HS3ST6: variants seen among roughly 807,000 people sequenced by gnomAD.
HS3ST6 encodes the protein heparan sulfate glucosamine 3-O-sulfotransferase 6.
A neutral mutation model predicts 11.0 loss-of-function variants in HS3ST6; 13 were observed. The observed-to-expected ratio is 1.18, with a 90% confidence interval of 0.77 to 1.88. The LOEUF (loss-of-function observed/expected upper bound fraction) is 1.88, where lower values mean the gene tolerates loss of function less well. HS3ST6 is among the 40% of genes most tolerant of loss of function. The probability of loss-of-function intolerance (pLI) is 0.00; values close to 1 mark genes in which losing one functional copy is unlikely to be tolerated. For missense variants in HS3ST6, 541 were observed against 494.4 expected, an observed-to-expected ratio of 1.09 and a Z score of -0.89; for synonymous variants, 232 against 230.6, an observed-to-expected ratio of 1.01 and a Z score of -0.06.
Position 1,912,669 on chromosome 16 carries a change from C to T in HS3ST6, c.414-464G>A, listed in dbSNP as rs185965773. 7.9e-5 allele frequency among the ~76,000 whole-genome samples: 12 copies of T among 152,232 alleles called. No homozygotes were observed. The highest frequency in any genetic ancestry group is 7.8e-4 in the Admixed American group (12 of 15,298). ...GCCCGCCTAGATCACTTGAGGTCAC[C>T]CGTTCACTCAGTGGCTGACAGCATC... On this transcript the variant is annotated intron_variant, in intron 1 of 1. Coordinates refer to ENST00000454677, the MANE Select transcript of HS3ST6 (RefSeq NM_001009606.4). This position sits in a 1 kb window ranked among gnomAD's most constrained non-coding sequence, Gnocchi z 5.6.
chr16:1,918,660 G>A (rs1488909595), upstream of HS3ST6, among the ~76,000 whole-genome samples: 1 of 152,072 alleles, frequency 6.6e-6, no homozygotes, highest in Non-Finnish European at 1.5e-5. This position sits in a 1 kb window ranked among gnomAD's most constrained non-coding sequence, Gnocchi z 6.0. Flanking sequence ...CTCTGCGCGG[G>A]GAGGATGCGG....
Position 1,911,528 on chromosome 16 carries a change from C to A in HS3ST6, c.*62G>T. The A allele has an allele frequency of 6.8e-7, 1 of 1,464,320 alleles. No individual in the cohort carries two copies. Among genetic ancestry groups the A allele is most frequent in the South Asian group, 1.4e-5 (1 of 73,192 alleles). The allele number at this position is 1,464,320 out of a possible 1,614,324, so 90.7% of individuals were successfully genotyped here. A position where few individuals can be genotyped will look rare whatever the true frequency, so the allele number is the denominator to read the frequency against. The stretch of plus-strand genomic sequence containing the variant: ...TTCCTCTCTGCCCAGCATGTGCACG[C>A]AGCCCGCTCTGGCCAGGCGAGCGGG... On this transcript the variant is annotated 3_prime_UTR_variant, in exon 2 of 2. Coordinates refer to ENST00000454677, the MANE Select transcript of HS3ST6 (RefSeq NM_001009606.4).
Position 1,911,886 on chromosome 16 carries a change from G to T in HS3ST6, c.733C>A (p.Leu245Met). Residue 245 changes from leucine to methionine, a missense_variant, in exon 2 of 2, where the codon CTG (leucine) becomes ATG (methionine). By Grantham distance (15) the Leu-to-Met change is conservative. Transcript: ENST00000454677. ...ACCAGACGCTCCCCGCTGACGAACA[G>T]GAAGTGGGACAGGGGGAAGTAGCGC... Reference protein sequence around the residue: ...WLRYFPLSHFLFVSGERLVSD... With the variant: ...WLRYFPLSHFMFVSGERLVSD... The T allele has an allele frequency of 6.2e-7, 1 of 1,606,948 alleles. No individual in the cohort carries two copies. The highest frequency in any genetic ancestry group is 8.5e-7 in the Non-Finnish European group (1 of 1,175,750).
chr16:1,918,280 TG>T lies in HS3ST6; in HGVS notation c.43del (p.Gln15ArgfsTer84). 1.1e-6 allele frequency: 1 copy of T among 904,612 alleles called. No homozygotes were observed. Among genetic ancestry groups the T allele is most frequent in the Non-Finnish European group, 1.3e-6 (1 of 754,930 alleles). The allele number at this position is 904,612 out of a possible 1,614,324, so 56.0% of individuals were successfully genotyped here. On this transcript the variant is annotated frameshift_variant, in exon 1 of 2. Coordinates refer to ENST00000454677, the MANE Select transcript of HS3ST6 (RefSeq NM_001009606.4). LOFTEE classifies it high-confidence loss of function. This position sits in a 1 kb window ranked among gnomAD's most constrained non-coding sequence, Gnocchi z 6.0. ...GGLGGGAGGG[Q>X]GAGAGQGAAL... ...GGCCCCTTGCCCGGCCCCTGCGCCC[TG>T]GCCGCCCCCGGCCCCGCCGCCCAGG...
At chr16:1,917,365 A>C (rs2082932900) in intron 1 of HS3ST6, among the ~76,000 whole-genome samples, 1 of 152,030 alleles carries the variant, frequency 6.6e-6, no homozygotes, top group Non-Finnish European at 1.5e-5. Flanking sequence ...CTGGGCACTC[A>C]CCTAAAGGCA....
Position 1,911,544 on chromosome 16 carries a change from G to A in HS3ST6, c.*46C>T. Reference sequence around the variant, plus strand: ...ATGTGCACGCAGCCCGCTCTGGCCAGGCGAGCGGGTGTCAATCAAGGTGCT... The same window carrying A: ...ATGTGCACGCAGCCCGCTCTGGCCAAGCGAGCGGGTGTCAATCAAGGTGCT... On this transcript the variant is annotated 3_prime_UTR_variant, in exon 2 of 2. Coordinates refer to ENST00000454677, the MANE Select transcript of HS3ST6 (RefSeq NM_001009606.4). 3.3e-6 allele frequency: 5 copies of A among 1,516,240 alleles called. No homozygotes were observed. The highest frequency in any genetic ancestry group is 4.4e-6 in the Non-Finnish European group (5 of 1,130,898). 93.9% of individuals were successfully genotyped at this position (1,516,240 alleles called of 1,614,324 possible). A position where few individuals can be genotyped will look rare whatever the true frequency, so the allele number is the denominator to read the frequency against.
chr16:1,914,552 A>G (rs913628151), intron 1 of HS3ST6, among the ~76,000 whole-genome samples: 1 of 152,158 alleles, frequency 6.6e-6, no homozygotes, highest in African/African-American at 2.4e-5. Flanking sequence ...AAGCGAGACC[A>G]GGAGCCCACC....
intron 1 of HS3ST6, among the ~76,000 whole-genome samples, chr16:1,913,561 G>A (rs2082906610): frequency 6.6e-6 from 1 of 152,200 alleles, no homozygotes; most frequent in African/African-American, 2.4e-5. Context: ...GCTGGGGAGG[G>A]CTGGGAACTA....
chr16:1,913,777 A>AC (rs2082908165), intron 1 of HS3ST6, among the ~76,000 whole-genome samples: 1 of 151,412 alleles, frequency 6.6e-6, no homozygotes, highest in South Asian at 2.1e-4. Flanking sequence ...TCCTGCTCAG[A>AC]CCCCCAGGGA....
chr16:1,916,604 GGCTCCTCACGGC>G (rs2082928266), intron 1 of HS3ST6, among the ~76,000 whole-genome samples: 1 of 151,740 alleles, frequency 6.6e-6, no homozygotes, highest in Non-Finnish European at 1.5e-5. Context: ...CTTCCCCTGT[GGCTCCTCACGGC>G]CCAGCTCAGA....
chr16:1,912,056 A>G lies in HS3ST6; in HGVS notation c.563T>C (p.Ile188Thr). 6.6e-7 allele frequency: 1 copy of G among 1,514,562 alleles called. No homozygotes were observed. 93.8% of individuals were successfully genotyped at this position (1,514,562 alleles called of 1,614,324 possible). Residue 188 changes from isoleucine to threonine, a missense_variant, in exon 2 of 2, where the codon ATC becomes ACC. Ile to Thr is a moderately conservative substitution (Grantham distance 89). Coordinates refer to ENST00000454677, the MANE Select transcript of HS3ST6 (RefSeq NM_001009606.4). This position sits in a 1 kb window ranked among gnomAD's most constrained non-coding sequence, Gnocchi z 5.6. ...VVVRNPVTRAISDYAQTLSKT... is the reference protein window; with the variant it reads ...VVVRNPVTRATSDYAQTLSKT... Reference sequence around the variant, plus strand: ...GGAGAGCGTCTGGGCGTAGTCGGAGATGGCCCGGGTCACGGGGTTCCGCAC... The same window carrying G: ...GGAGAGCGTCTGGGCGTAGTCGGAGGTGGCCCGGGTCACGGGGTTCCGCAC...
chr16:1,918,306 G>A lies in HS3ST6; in HGVS notation c.18C>T (p.Gly6=). The A allele has an allele frequency of 2.8e-6, 2 of 711,010 alleles. No homozygotes were observed. Among genetic ancestry groups the A allele is most frequent in the Non-Finnish European group, 1.7e-6 (1 of 581,716 alleles). The allele number at this position is 711,010 out of a possible 1,614,324, so 44.0% of individuals were successfully genotyped here. A position where few individuals can be genotyped will look rare whatever the true frequency, so the allele number is the denominator to read the frequency against. The change falls in exon 1 of 2, where the codon GGC becomes GGT. Residue 6 remains glycine, a synonymous_variant. Transcript: ENST00000454677. This position sits in a 1 kb window ranked among gnomAD's most constrained non-coding sequence, Gnocchi z 6.0. The part of the protein sequence containing the change: MAGSG[G]LGGGAGGGQG... ...GGCCGCCCCCGGCCCCGCCGCCCAG[G>A]CCGCCGCTACCTGCCATGGGGTCGC... is the stretch of plus-strand genomic sequence containing the variant.
At chr16:1,919,480 C>T (rs2082949479), upstream of HS3ST6, among the ~76,000 whole-genome samples, 1 of 152,224 alleles carries the variant, frequency 6.6e-6, no homozygotes, top group African/African-American at 2.4e-5. Flanking sequence ...GGTATGAGAC[C>T]CGGGTCCTCT....
chr16:1,915,045 C>G (rs1032610893), intron 1 of HS3ST6, among the ~76,000 whole-genome samples: 1 of 152,176 alleles, frequency 6.6e-6, no homozygotes, highest in African/African-American at 2.4e-5. Context: ...ATCTCAGCCT[C>G]CCTCCTCCTG....
chr16:1,916,277 A>G (rs2150845773), intron 1 of HS3ST6, among the ~76,000 whole-genome samples: 1 of 120,192 alleles, frequency 8.3e-6, no homozygotes, highest in African/African-American at 3.1e-5. Flanking sequence ...ACAATACCAG[A>G]TTAATGAGGC....
At chr16:1,920,102 G>A (rs199926925), upstream of HS3ST6, among the ~76,000 whole-genome samples, 1 of 65,104 alleles carries the variant, frequency 1.5e-5, no homozygotes, top group Non-Finnish European at 3.3e-5. Context: ...AGGGTCTCAG[G>A]AGTCCCCACG....
intron 1 of HS3ST6, among the ~76,000 whole-genome samples, chr16:1,913,304 T>C (rs2082904357): frequency 6.6e-6 from 1 of 152,146 alleles, no homozygotes; most frequent in South Asian, 2.1e-4. Flanking sequence ...GGGGCCTTTC[T>C]GAGATTCTCC....
intron 1 of HS3ST6, among the ~76,000 whole-genome samples, chr16:1,913,780 C>T (rs1278834622): frequency 6.6e-6 from 1 of 152,156 alleles, no homozygotes; most frequent in Admixed American, 6.5e-5. Flanking sequence ...TGCTCAGACC[C>T]CCAGGGAAAC....
rs1255081779 is a variant in HS3ST6, at chr16:1,912,315, G to A, written c.414-110C>T. ...TGCCCGGGAAGCCCAGGCCTCCAGG[G>A]CGAGCAAGTCTTCCTCCCTGCTCGG... On this transcript the variant is annotated intron_variant, in intron 1 of 1. Coordinates refer to ENST00000454677, the MANE Select transcript of HS3ST6 (RefSeq NM_001009606.4). This position sits in a 1 kb window ranked among gnomAD's most constrained non-coding sequence, Gnocchi z 5.6. 2 of 1,032,294 alleles carry A rather than the reference G, an allele frequency of 1.9e-6. No individual in the cohort carries two copies. The highest frequency in any genetic ancestry group is 3.3e-5 in the African/African-American group (2 of 60,126). 63.9% of individuals were successfully genotyped at this position (1,032,294 alleles called of 1,614,324 possible).
Sources: allele counts gnomAD v4.1 joint callset (sites outside exome capture counted in the v4.1 genomes callset), GRCh38; gene constraint gnomAD v4.1.1; non-coding constraint Gnocchi (gnomAD v3.1); transcripts MANE v1.5; gene names NCBI Gene and HGNC (gene_info 2026-07-23, HGNC 2026-07-21).